Variants in NSUN6 observed in about 807,000 individuals in gnomAD.
NSUN6 encodes tRNA (cytosine(72)-C(5))-methyltransferase NSUN6.
Under a neutral mutation model 58.0 loss-of-function variants are expected in NSUN6, and 64 were observed. The ratio of observed to expected loss-of-function variants is 1.10; its 90% CI spans 0.90 to 1.36. The LOEUF is 1.36. Among genes scored for constraint, NSUN6 ranks in the 40% most tolerant of loss-of-function variants. The probability of loss-of-function intolerance (pLI) is 0.00; values close to 1 mark genes in which losing one functional copy is unlikely to be tolerated. For synonymous variants in NSUN6, 231 were observed against 193.9 expected, an observed-to-expected ratio of 1.19 and a Z score of -1.59; for missense variants, 701 against 550.1, an observed-to-expected ratio of 1.27 and a Z score of -2.74.
intron 8 of NSUN6, among the ~76,000 whole-genome samples, chr10:18,565,386 TTCCATACCATTC>T (rs893124160): frequency 2.0e-5 from 3 of 150,862 alleles, no homozygotes; most frequent in Non-Finnish European, 3.0e-5. Context: ...TTCCCTTCCA[TTCCATACCATTC>T]TCCATTCCAT....
chr10:18,556,822 G>A (rs1312200336), intron 8 of NSUN6, among the ~76,000 whole-genome samples: 1 of 151,084 alleles, frequency 6.6e-6, no homozygotes, highest in Admixed American at 6.6e-5. Context: ...ATGGAGAGTG[G>A]AATGCAATGG....
At chr10:18,568,290 T>A (rs2056110861) in intron 8 of NSUN6, among the ~76,000 whole-genome samples, 1 of 151,532 alleles carries the variant, frequency 6.6e-6, no homozygotes, top group South Asian at 2.1e-4. Context: ...CCTTTTTCCA[T>A]TCCAGTTCAT....
At chr10:18,556,932 G>C (rs144034481) in intron 8 of NSUN6, among the ~76,000 whole-genome samples, 24 of 150,758 alleles carry the variant, frequency 1.6e-4, no homozygotes, top group Admixed American at 8.6e-4. Flanking sequence ...GTATGGAACG[G>C]AATGGAGAAT....
At chr10:18,586,328 T>G (rs1391777708) in intron 7 of NSUN6, among the ~76,000 whole-genome samples, 1 of 152,040 alleles carries the variant, frequency 6.6e-6, no homozygotes, top group Non-Finnish European at 1.5e-5. Flanking sequence ...TTGCGATGAG[T>G]GTTACAGTTC....
intron 8 of NSUN6, among the ~76,000 whole-genome samples, chr10:18,554,689 G>T (rs2054854234): frequency 6.6e-6 from 1 of 151,278 alleles, no homozygotes; most frequent in Non-Finnish European, 1.5e-5. Context: ...ATGGAATGCT[G>T]AATGGAATGC....
intron 3 of NSUN6, among the ~76,000 whole-genome samples, chr10:18,632,960 T>G (rs2059087290): frequency 6.6e-6 from 1 of 152,174 alleles, no homozygotes; most frequent in Non-Finnish European, 1.5e-5. Flanking sequence ...TGCACCCGTA[T>G]GTTTATTCCG....
intron 8 of NSUN6, among the ~76,000 whole-genome samples, chr10:18,568,728 T>C (rs2056147739): frequency 6.6e-6 from 1 of 151,558 alleles, no homozygotes; most frequent in South Asian, 2.1e-4. Flanking sequence ...TTCCATTTCA[T>C]TCTCCATTGC....
intron 8 of NSUN6, among the ~76,000 whole-genome samples, chr10:18,557,312 C>T (rs1305135490): frequency 7.0e-6 from 1 of 142,844 alleles, no homozygotes; most frequent in Non-Finnish European, 1.5e-5. Context: ...AATCGAATGG[C>T]GAAGCGGATG....
chr10:18,630,717 T>C (rs1287807550), intron 3 of NSUN6, among the ~76,000 whole-genome samples: 1 of 152,174 alleles, frequency 6.6e-6, no homozygotes, highest in African/African-American at 2.4e-5. Context: ...AGAAGTTGAA[T>C]CTCTGAATAG....
chr10:18,599,762 T>C (rs1379243475), intron 6 of NSUN6, among the ~76,000 whole-genome samples: 6 of 152,218 alleles, frequency 3.9e-5, no homozygotes, highest in African/African-American at 4.8e-5. Flanking sequence ...TTAAATTGTT[T>C]ACAAGAAATG....
chr10:18,570,235 CTCCAT>C (rs1240066980), intron 8 of NSUN6, among the ~76,000 whole-genome samples: 9 of 150,828 alleles, frequency 6.0e-5, no homozygotes, highest in Non-Finnish European at 1.2e-4. Context: ...GCATTCTATT[CTCCAT>C]TCCATTCCAT....
chr10:18,651,422 G>C lies in NSUN6; in HGVS notation c.-219C>G. 1.6e-6 allele frequency: 2 copies of C among 1,239,616 alleles called. No individual in the cohort carries two copies. The highest frequency in any genetic ancestry group is 5.7e-5 in the South Asian group (2 of 34,852). 76.8% of individuals were successfully genotyped at this position (1,239,616 alleles called of 1,614,324 possible). ...CGGGCTTCCACCACACCTCATCGAGGCAATGTTTTCTGGTAGAGATGCTCA... is the reference window on the plus strand; with the variant it reads ...CGGGCTTCCACCACACCTCATCGAGCCAATGTTTTCTGGTAGAGATGCTCA... On this transcript the variant is annotated 5_prime_UTR_variant, in exon 1 of 11. Coordinates refer to ENST00000377304, the MANE Select transcript of NSUN6 (RefSeq NM_182543.5).
chr10:18,642,405 A>G, intron 3 of NSUN6, 71 bp downstream of exon 3: 1 of 765,362 alleles, frequency 1.3e-6, no homozygotes, highest in Non-Finnish European at 2.3e-6. Context: ...TTATCACTGA[A>G]CAATTAAAAA....
At chr10:18,648,735 C>A in intron 1 of NSUN6, 90 bp from the exon 2 acceptor site, 1 of 709,118 alleles carries the variant, frequency 1.4e-6, no homozygotes, top group South Asian at 1.8e-5. Flanking sequence ...TGAAACATCG[C>A]TTAGCAATTG....
chr10:18,643,814 A>G (rs11015307), intron 2 of NSUN6, among the ~76,000 whole-genome samples: 84,216 of 152,024 alleles, frequency 0.55, 23,789 homozygotes, highest in East Asian at 0.94. Context: ...GATTTAGACT[A>G]TAGAAATATC....
chr10:18,657,294 A>G (rs2059787876), upstream of NSUN6, among the ~76,000 whole-genome samples: 1 of 152,228 alleles, frequency 6.6e-6, no homozygotes, highest in Admixed American at 6.5e-5. Context: ...CCAAATCAGC[A>G]AACAAAACTT....
chr10:18,555,361 T>C (rs1234916190), intron 8 of NSUN6, among the ~76,000 whole-genome samples: 1 of 148,730 alleles, frequency 6.7e-6, no homozygotes, highest in Admixed American at 6.7e-5. Flanking sequence ...GTATGGAGAA[T>C]GGAATGGAAT....
intron 6 of NSUN6, among the ~76,000 whole-genome samples, chr10:18,604,470 G>C (rs1333385199): frequency 6.6e-6 from 1 of 152,114 alleles, no homozygotes; most frequent in Non-Finnish European, 1.5e-5. Flanking sequence ...CGCAAATCAG[G>C]GGAATCCAAA....
At chr10:18,634,918 C>G (rs1226546583) in intron 3 of NSUN6, among the ~76,000 whole-genome samples, 1 of 152,114 alleles carries the variant, frequency 6.6e-6, no homozygotes, top group Non-Finnish European at 1.5e-5. Flanking sequence ...TGGGTCTTGG[C>G]TAGCTAAGCA....
Sources: allele counts gnomAD v4.1 joint callset (sites outside exome capture counted in the v4.1 genomes callset), GRCh38; gene constraint gnomAD v4.1.1; transcripts MANE v1.5; gene names NCBI Gene and HGNC (gene_info 2026-07-23, HGNC 2026-07-21).